The following GALNT13 variants were observed in gnomAD, a reference collection of about 807,000 sequenced individuals.
The protein encoded by GALNT13 is UDP-GalNAc:polypeptide N-acetylgalactosaminyltransferase 13.
A neutral mutation model predicts 64.2 loss-of-function variants in GALNT13; 28 were observed. The observed-to-expected ratio is 0.44, with a 90% CI of 0.32 to 0.60. The LOEUF (loss-of-function observed/expected upper bound fraction) is 0.60, where lower values mean the gene tolerates loss of function less well. Among genes scored for constraint, GALNT13 ranks in the 20% least tolerant of loss-of-function variants. GALNT13 has a pLI of 0.05. For missense variants in GALNT13, 577 were observed against 669.8 expected (o/e 0.86, Z 1.53); for synonymous variants, 214 against 224.6 (o/e 0.95, Z 0.42).
intron 1 of GALNT13, among the ~76,000 whole-genome samples, chr2:153,874,774 G>A (rs6751439): frequency 0.25 from 37,768 of 151,826 alleles, 6,846 homozygotes; most frequent in East Asian, 0.88. Context: ...TTGAAACAGG[G>A]GTCTTCTGCT....
At chr2:154,020,733 T>G (rs977673781) in intron 3 of GALNT13, among the ~76,000 whole-genome samples, 3 of 150,362 alleles carry the variant, frequency 2.0e-5, no homozygotes, top group African/African-American at 7.3e-5. Context: ...TTTTGGCTTT[T>G]ATTGCCATTG....
the GALNT13 span, among the ~76,000 whole-genome samples, chr2:153,372,827 T>C: frequency 6.6e-6 from 1 of 152,180 alleles, no homozygotes; most frequent in Admixed American, 6.5e-5. Flanking sequence ...GTGCCTTGTA[T>C]TGGCACCATC....
the GALNT13 span, among the ~76,000 whole-genome samples, chr2:153,245,391 T>C: frequency 6.6e-6 from 1 of 152,208 alleles, no homozygotes; most frequent in Non-Finnish European, 1.5e-5. Flanking sequence ...AGGAGAGCTC[T>C]GGCTGCCGTC....
the GALNT13 span, among the ~76,000 whole-genome samples, chr2:153,410,138 T>G: frequency 6.6e-6 from 1 of 152,098 alleles, no homozygotes; most frequent in African/African-American, 2.4e-5. Flanking sequence ...TAGGCTGGGG[T>G]GCAGTGGCAA....
At chr2:153,525,094 G>A in the GALNT13 span, among the ~76,000 whole-genome samples, 1 of 152,198 alleles carries the variant, frequency 6.6e-6, no homozygotes, top group Non-Finnish European at 1.5e-5. Context: ...GAGCCATGGG[G>A]CTCCTCTTTC....
At chr2:154,378,593 A>T (rs2882048) in intron 9 of GALNT13, among the ~76,000 whole-genome samples, 76,310 of 151,976 alleles carry the variant, frequency 0.5, 19,164 homozygotes, top group Admixed American at 0.59. Flanking sequence ...AAAGTATGTA[A>T]CAAATGTGAA....
intron 8 of GALNT13, among the ~76,000 whole-genome samples, chr2:154,278,084 T>C (rs1691749414): frequency 6.6e-6 from 1 of 152,206 alleles, no homozygotes. Context: ...AACCAAATTC[T>C]ATATTTACTT....
intron 1 of GALNT13, among the ~76,000 whole-genome samples, chr2:153,876,843 G>A (rs142098889): frequency 8.5e-5 from 13 of 152,122 alleles, no homozygotes; most frequent in African/African-American, 2.9e-4. Flanking sequence ...AGATTGATGG[G>A]ATCTAAAATT....
At chr2:153,612,527 A>C in the GALNT13 span, among the ~76,000 whole-genome samples, 1 of 152,168 alleles carries the variant, frequency 6.6e-6, no homozygotes, top group Admixed American at 6.6e-5. Flanking sequence ...GGAAACAACA[A>C]AATCGAAAGT....
the GALNT13 span, among the ~76,000 whole-genome samples, chr2:153,461,369 G>A: frequency 2.0e-5 from 3 of 152,200 alleles, no homozygotes; most frequent in African/African-American, 7.2e-5. Context: ...GTTAAAGAGT[G>A]AGCAGTAAGA....
chr2:153,646,974 T>C, the GALNT13 span, among the ~76,000 whole-genome samples: 1 of 152,208 alleles, frequency 6.6e-6, no homozygotes, highest in African/African-American at 2.4e-5. Flanking sequence ...TTTGGGTATA[T>C]ACCCAGTAAT....
chr2:154,212,042 G>A (rs1687801844), intron 4 of GALNT13, among the ~76,000 whole-genome samples: 1 of 152,104 alleles, frequency 6.6e-6, no homozygotes, highest in Non-Finnish European at 1.5e-5. Flanking sequence ...TTGGAAAATT[G>A]CATCTTTGGT....
rs1425201132 is a variant in GALNT13, at chr2:154,298,469, A to T, written c.976-2940A>T. 1.0e-4 allele frequency among the ~76,000 whole-genome samples: 11 copies of T among 106,310 alleles called. 1 individual carries two copies. In the Middle Eastern group the frequency reaches 0.015, roughly 142 times the overall value. 69.7% of individuals were successfully genotyped at this position (106,310 alleles called of 152,430 possible). ...ATATAATTTATATATACATATATAA[A>T]TTATATATAAATTATATATAAATTA... On this transcript the variant is annotated intron_variant, in intron 8 of 12. Transcript: ENST00000392825.
chr2:153,175,376 A>T, the GALNT13 span, among the ~76,000 whole-genome samples: 2 of 152,142 alleles, frequency 1.3e-5, no homozygotes, highest in Non-Finnish European at 2.9e-5. Flanking sequence ...GAAGGTGCAT[A>T]CACAAGAGTG....
the GALNT13 span, among the ~76,000 whole-genome samples, chr2:153,538,358 T>A: frequency 2.5e-5 from 3 of 119,166 alleles, no homozygotes; most frequent in Admixed American, 1.9e-4. Context: ...TTTTATTTAT[T>A]TTTATTTTAT....
the GALNT13 span, among the ~76,000 whole-genome samples, chr2:153,086,713 ATTTATTTTAT>A: frequency 6.7e-4 from 100 of 149,738 alleles, no homozygotes; most frequent in African/African-American, 1.9e-3. Context: ...ATTTTATTTT[ATTTATTTTAT>A]TTTATTTTAT....
chr2:153,234,060 G>A, the GALNT13 span, among the ~76,000 whole-genome samples: 1 of 152,084 alleles, frequency 6.6e-6, no homozygotes, highest in Admixed American at 6.6e-5. Context: ...CATGGTTCAG[G>A]AAAATAAACA....
chr2:154,194,995 A>C (rs1408566513), intron 4 of GALNT13, among the ~76,000 whole-genome samples: 1 of 151,590 alleles, frequency 6.6e-6, no homozygotes, highest in Non-Finnish European at 1.5e-5. Context: ...CACGTGCATT[A>C]GGTATTTGTC....
intron 10 of GALNT13, among the ~76,000 whole-genome samples, chr2:154,400,810 A>C (rs1398943361): frequency 6.6e-6 from 1 of 152,148 alleles, no homozygotes; most frequent in African/African-American, 2.4e-5. Context: ...ACTAGCCCTG[A>C]AGCTTATGTA....
Sources: gnomAD v4.1 joint callset for allele counts (sites outside exome capture counted in the v4.1 genomes callset) on GRCh38, gnomAD v4.1.1 for gene constraint, MANE v1.5 for transcripts, NCBI Gene and HGNC (gene_info 2026-07-23, HGNC 2026-07-21) for gene names.